Variants in PACRG observed in about 807,000 individuals in gnomAD.
PACRG encodes parkin coregulated gene protein.
PACRG carries 29 observed loss-of-function variants against 29.7 expected under a neutral mutation model. The observed-to-expected ratio is 0.98, with a 90% confidence interval of 0.73 to 1.33. The LOEUF is 1.33. Among genes scored for constraint, PACRG ranks in the 40% most tolerant of loss-of-function variants. The pLI is 0.00. For synonymous variants in PACRG, 116 were observed against 118.7 expected, an observed-to-expected ratio of 0.98 and a Z score of 0.15; for missense variants, 279 against 316.2, an observed-to-expected ratio of 0.88 and a Z score of 0.89.
chr6:163,287,096 G>T (rs1445822702), intron 4 of PACRG, among the ~76,000 whole-genome samples: 1 of 152,116 alleles, frequency 6.6e-6, no homozygotes, highest in Non-Finnish European at 1.5e-5. Context: ...TAGTACATGA[G>T]TAGTTTGCAC....
chr6:162,902,322 T>A (rs562387065), intron 2 of PACRG, among the ~76,000 whole-genome samples: 25 of 152,320 alleles, frequency 1.6e-4, no homozygotes, highest in Admixed American at 4.6e-4. Flanking sequence ...GTAATTTGAG[T>A]GGCTTGTAAA....
intron 1 of PACRG, among the ~76,000 whole-genome samples, chr6:162,744,245 G>A (rs1562552985): frequency 6.6e-6 from 1 of 152,066 alleles, no homozygotes; most frequent in Non-Finnish European, 1.5e-5. Flanking sequence ...AGTTATTCTG[G>A]ATCATTAAAT....
chr6:162,877,120 A>G (rs1315707129), intron 2 of PACRG, among the ~76,000 whole-genome samples: 3 of 152,208 alleles, frequency 2.0e-5, no homozygotes, highest in Non-Finnish European at 2.9e-5. Context: ...ATTCTACTAT[A>G]AAGACACATG....
At chr6:163,057,675 G>A (rs1810715216) in intron 2 of PACRG, among the ~76,000 whole-genome samples, 2 of 152,192 alleles carry the variant, frequency 1.3e-5, no homozygotes, top group South Asian at 4.1e-4. Flanking sequence ...ATGAGAAATT[G>A]TGGATTCTGC....
rs566366593 is a variant in PACRG, at chr6:162,965,135, T to G, written c.292-97015T>G. Among the ~76,000 whole-genome samples the G allele has an allele frequency of 3.9e-5, 6 of 152,310 alleles. 1 individual carries two copies. In the South Asian group the frequency reaches 1.2e-3, roughly 32 times the overall value. On this transcript the variant is annotated intron_variant, in intron 2 of 4. Coordinates refer to ENST00000366888, the MANE Select transcript of PACRG (RefSeq NM_001080379.2). ...GAAGGGTTGCATCAGTGATTATACT[T>G]TATCCCTGTGGGGAGCCAAGAAGGA...
At chr6:162,994,679 A>G (rs4283860) in intron 2 of PACRG, among the ~76,000 whole-genome samples, 54,198 of 119,890 alleles carry the variant, frequency 0.45, 13,906 homozygotes, top group African/African-American at 0.71. Context: ...CTTTGCCTTT[A>G]GTTTGAATGT....
intron 2 of PACRG, among the ~76,000 whole-genome samples, chr6:162,938,295 G>A (rs567362008): frequency 3.9e-5 from 6 of 152,164 alleles, no homozygotes; most frequent in Admixed American, 6.5e-5. Flanking sequence ...TTATCCACTC[G>A]TTGATTGATG....
intron 4 of PACRG, among the ~76,000 whole-genome samples, chr6:163,260,982 C>T (rs1252392604): frequency 5.5e-5 from 6 of 108,180 alleles, no homozygotes; most frequent in Non-Finnish European, 2.0e-5. Context: ...GCATTGTCAT[C>T]GTTAGCAAAA....
At chr6:162,957,413 G>T in intron 2 of PACRG, 1 of 546,212 alleles carries the variant, frequency 1.8e-6, no homozygotes, top group African/African-American at 1.9e-5. Context: ...CTCACAGCAC[G>T]GACCCCTCAA....
chr6:162,832,831 T>C (rs1584486931), intron 2 of PACRG, among the ~76,000 whole-genome samples: 1 of 152,200 alleles, frequency 6.6e-6, no homozygotes, highest in African/African-American at 2.4e-5. Flanking sequence ...TTTTTTCATT[T>C]TTTTGCCCAA....
At position 162,969,046 on chromosome 6, in the gene PACRG, CAAA is replaced by C. The variant is rs35665491; in HGVS notation, c.292-93086_292-93084del. ...TGGGGAACAGAGCGAGACTCTATCA[CAAA>C]AAAAAAAAAAAAAAAAAGTAACAGA... On this transcript the variant is annotated intron_variant, in intron 2 of 4. Coordinates refer to ENST00000366888, the MANE Select transcript of PACRG (RefSeq NM_001080379.2). Among the ~76,000 whole-genome samples, 7 of 72,836 alleles carry C rather than the reference CAAA, an allele frequency of 9.6e-5. No individual in the cohort carries two copies. In the South Asian group the frequency reaches 3.3e-3, roughly 34 times the overall value. The allele number at this position is 72,836 out of a possible 152,430, so 47.8% of individuals were successfully genotyped here.
intron 4 of PACRG, among the ~76,000 whole-genome samples, chr6:163,279,874 C>T (rs528906493): frequency 2.6e-5 from 4 of 152,126 alleles, no homozygotes; most frequent in Non-Finnish European, 5.9e-5. Flanking sequence ...TAGATTATTC[C>T]TATGTTATTG....
chr6:163,089,144 C>A, intron 3 of PACRG, 115 bp from the exon 4 acceptor site: 1 of 1,056,836 alleles, frequency 9.5e-7, no homozygotes, highest in South Asian at 1.6e-5. Context: ...GCCCATTGGT[C>A]CCCAGTAGAG....
chr6:162,889,279 T>TA (rs200602912), intron 2 of PACRG, among the ~76,000 whole-genome samples: 30 of 151,520 alleles, frequency 2.0e-4, no homozygotes, highest in South Asian at 1.5e-3. Context: ...ACTGATCCAT[T>TA]AAAAAAAAAT....
chr6:162,881,488 C>T (rs1793835526), intron 2 of PACRG, among the ~76,000 whole-genome samples: 1 of 152,166 alleles, frequency 6.6e-6, no homozygotes, highest in Non-Finnish European at 1.5e-5. Context: ...AGTGTGTTTC[C>T]AATCATCATG....
chr6:163,111,800 C>T (rs1259279669), intron 4 of PACRG, among the ~76,000 whole-genome samples: 1 of 152,112 alleles, frequency 6.6e-6, no homozygotes, highest in Non-Finnish European at 1.5e-5. Context: ...TAACTGATTT[C>T]CTTGGAGGGA....
chr6:163,166,100 C>A (rs1057233956), intron 4 of PACRG: 1 of 456,270 alleles, frequency 2.2e-6, no homozygotes, highest in Non-Finnish European at 4.4e-6. Flanking sequence ...AGCTCCAATT[C>A]CTCGGCTGCA....
intron 2 of PACRG, among the ~76,000 whole-genome samples, chr6:163,016,982 A>G (rs767226530): frequency 1.3e-5 from 2 of 152,126 alleles, no homozygotes; most frequent in African/African-American, 2.4e-5. Flanking sequence ...AATATACAAA[A>G]TTAAAATCAG....
intron 4 of PACRG, among the ~76,000 whole-genome samples, chr6:163,296,419 C>G (rs139295883): frequency 0.032 from 4,885 of 152,172 alleles, 223 homozygotes; most frequent in African/African-American, 0.099. Context: ...CTCAGCCTCC[C>G]GAGTAGCTGG....
Sources: gnomAD v4.1 joint callset for allele counts (sites outside exome capture counted in the v4.1 genomes callset) on GRCh38, gnomAD v4.1.1 for gene constraint, MANE v1.5 for transcripts, NCBI Gene and HGNC (gene_info 2026-07-23, HGNC 2026-07-21) for gene names.